The following METTL16 variants were observed in gnomAD, a reference collection of about 807,000 sequenced individuals.
METTL16 encodes the protein methyltransferase 16, RNA N6-adenosine, also known as RNA N(6)-adenosine-methyltransferase METTL16.
Under a neutral mutation model 57.9 loss-of-function variants are expected in METTL16, and 19 were observed. The observed-to-expected ratio is 0.33, with a 90% CI of 0.23 to 0.48. METTL16 has a LOEUF of 0.48. Ranked by LOEUF, METTL16 falls within the 20% of genes least tolerant of loss-of-function variation. METTL16 has a pLI of 0.99. For synonymous variants in METTL16, 246 were observed against 255.6 expected (o/e 0.96, Z 0.36); for missense variants, 434 against 691.5 (o/e 0.63, Z 4.18).
intron 4 of METTL16, among the ~76,000 whole-genome samples, chr17:2,471,825 T>C (rs1274615289): frequency 2.0e-5 from 3 of 151,910 alleles, no homozygotes; most frequent in Non-Finnish European, 4.4e-5. Flanking sequence ...ATCAATAAGC[T>C]GGGCTTGGCT....
At chr17:2,471,105 A>T (rs779281279) in intron 4 of METTL16, among the ~76,000 whole-genome samples, 2 of 152,224 alleles carry the variant, frequency 1.3e-5, no homozygotes, top group Non-Finnish European at 2.9e-5. Context: ...GAATCTAGAC[A>T]AAGACCTTAT....
chr17:2,486,606 G>A (rs1269512293), intron 2 of METTL16, among the ~76,000 whole-genome samples: 1 of 151,876 alleles, frequency 6.6e-6, no homozygotes, highest in African/African-American at 2.4e-5. Context: ...ATTTAGGTAT[G>A]GTATAGAATA....
chr17:2,482,089 G>C (rs1470692518), intron 2 of METTL16, among the ~76,000 whole-genome samples: 2 of 152,170 alleles, frequency 1.3e-5, no homozygotes, highest in African/African-American at 4.8e-5. Flanking sequence ...AACATTTTGA[G>C]TATACAGGAA....
chr17:2,469,985 A>C (rs772122788), intron 4 of METTL16, among the ~76,000 whole-genome samples: 1 of 152,208 alleles, frequency 6.6e-6, no homozygotes, highest in Non-Finnish European at 1.5e-5. Flanking sequence ...ATACTGAACC[A>C]CTGATTCCCA....
At chr17:2,457,292 C>T (rs1236406796) in intron 6 of METTL16, among the ~76,000 whole-genome samples, 2 of 138,762 alleles carry the variant, frequency 1.4e-5, no homozygotes, top group South Asian at 2.2e-4. Context: ...GAGCCGAGAT[C>T]GCGCCACTGC....
At chr17:2,444,411 C>T (rs1381240664) in intron 6 of METTL16, among the ~76,000 whole-genome samples, 1 of 152,130 alleles carries the variant, frequency 6.6e-6, no homozygotes, top group Non-Finnish European at 1.5e-5. Flanking sequence ...GATCACACCA[C>T]TGCACTCCAG....
chr17:2,429,173 A>T (rs545185735), intron 8 of METTL16, among the ~76,000 whole-genome samples: 3 of 148,914 alleles, frequency 2.0e-5, no homozygotes, highest in Admixed American at 6.8e-5. Flanking sequence ...ATTATTTTTA[A>T]AACTGATAAA....
intron 2 of METTL16, among the ~76,000 whole-genome samples, chr17:2,493,522 C>T (rs1289698814): frequency 6.6e-6 from 1 of 151,820 alleles, no homozygotes; most frequent in Admixed American, 6.6e-5. Context: ...AGTTCGAGAC[C>T]AGCCTAACCA....
chr17:2,486,358 G>A (rs1444923610), intron 2 of METTL16, among the ~76,000 whole-genome samples: 1 of 150,976 alleles, frequency 6.6e-6, no homozygotes, highest in African/African-American at 2.4e-5. Context: ...TGCAACTTAC[G>A]CCTCCCGGGT....
chr17:2,422,213 G>A (rs2066771515), intron 8 of METTL16, among the ~76,000 whole-genome samples: 1 of 151,864 alleles, frequency 6.6e-6, no homozygotes, highest in South Asian at 2.1e-4. Context: ...TCGGGAGGCT[G>A]AGGCAGAAGA....
chr17:2,485,244 A>G (rs1002165984), intron 2 of METTL16, among the ~76,000 whole-genome samples: 1 of 152,164 alleles, frequency 6.6e-6, no homozygotes, highest in African/African-American at 2.4e-5. Context: ...AAGCCTGATG[A>G]TCTGTCACTG....
intron 6 of METTL16, among the ~76,000 whole-genome samples, chr17:2,448,813 A>AAAAAAAAAAAAAATAAAATAAAAAAAT (rs2067045504): frequency 7.8e-6 from 1 of 127,794 alleles, no homozygotes; most frequent in African/African-American, 3.9e-5. Flanking sequence ...AAAAAAAAAA[A>AAAAAAAAAAAAAATAAAATAAAAAAAT]AAAAAAAAAA....
chr17:2,489,679 C>T (rs557972857), intron 2 of METTL16, among the ~76,000 whole-genome samples: 4 of 117,560 alleles, frequency 3.4e-5, no homozygotes, highest in Admixed American at 2.5e-4. Flanking sequence ...GTGGAGGTTG[C>T]AGTGAGCCAA....
chr17:2,442,532 GA>G (rs1468490593), intron 6 of METTL16, among the ~76,000 whole-genome samples: 1 of 151,926 alleles, frequency 6.6e-6, no homozygotes, highest in African/African-American at 2.4e-5. Context: ...TGAGGAAAGA[GA>G]AAACAGGAAA....
intron 6 of METTL16, among the ~76,000 whole-genome samples, chr17:2,457,652 G>A (rs1010345174): frequency 6.6e-6 from 1 of 150,430 alleles, no homozygotes; most frequent in Non-Finnish European, 1.5e-5. Flanking sequence ...CGGAGGTTGC[G>A]GTGAGCTAAA....
At chr17:2,473,349 T>C (rs1245276629) in intron 4 of METTL16, among the ~76,000 whole-genome samples, 175 bp downstream of exon 4, 1 of 152,196 alleles carries the variant, frequency 6.6e-6, no homozygotes, top group Admixed American at 6.5e-5. Flanking sequence ...GGATCAACTG[T>C]AGTTACTATT....
At chr17:2,491,571 T>G (rs1310648882) in intron 2 of METTL16, among the ~76,000 whole-genome samples, 1 of 152,144 alleles carries the variant, frequency 6.6e-6, no homozygotes, top group African/African-American at 2.4e-5. Flanking sequence ...ATGCTAGGTC[T>G]TTGGTTTAAA....
intron 1 of METTL16, among the ~76,000 whole-genome samples, chr17:2,505,434 A>ATTTT (rs2067524905): frequency 1.3e-5 from 1 of 78,742 alleles, no homozygotes; most frequent in East Asian, 4.3e-4. Context: ...TTTTTTTTAG[A>ATTTT]TACATGGTTT....
intron 8 of METTL16, among the ~76,000 whole-genome samples, chr17:2,421,517 C>T (rs1029128983): frequency 1.3e-5 from 2 of 152,200 alleles, no homozygotes; most frequent in African/African-American, 4.8e-5. Flanking sequence ...TCCAGCCGCA[C>T]CGCACTGCCT....
Sources: allele counts gnomAD v4.1 joint callset (sites outside exome capture counted in the v4.1 genomes callset), GRCh38; gene constraint gnomAD v4.1.1; transcripts MANE v1.5; gene names NCBI Gene and HGNC (gene_info 2026-07-23, HGNC 2026-07-21).